C13orf42: variants seen among roughly 807,000 people sequenced by gnomAD.
C13orf42 encodes the protein uncharacterized protein C13orf42.
intron 1 of C13orf42, among the ~76,000 whole-genome samples, chr13:51,108,952 G>C: frequency 6.6e-6 from 1 of 152,230 alleles, no homozygotes; most frequent in African/African-American, 2.4e-5. Context: ...ACAAGGAAGG[G>C]AGGTAGGTCC....
Position 51,111,138 on chromosome 13 carries a change from G to GT in C13orf42, c.71dup (p.Tyr24Ter), listed in dbSNP as rs1953427803. The change falls in exon 1 of 4, where the codon TAC becomes TAAC. Residue 24 changes from tyrosine to a stop codon, truncating the protein, a stop_gained and frameshift_variant. Transcript: ENST00000563710. LOFTEE classifies it high-confidence loss of function. ...GCTTCACTGCGGGGCTGGCTCCTTC[G>GT]TAGAAGGGGCTCTCGGCCGCCGTCT... ...QRKTAAESPF[Y>*]EGASPAVKLI... 2.5e-6 allele frequency: 1 copy of GT among 398,500 alleles called. No individual in the cohort carries two copies. Among genetic ancestry groups the GT allele is most frequent in the South Asian group, 1.3e-4 (1 of 7,848 alleles). 24.7% of individuals were successfully genotyped at this position (398,500 alleles called of 1,614,324 possible).
intron 1 of C13orf42, among the ~76,000 whole-genome samples, chr13:51,106,487 C>A (rs1014914879): frequency 6.6e-6 from 1 of 152,168 alleles, no homozygotes; most frequent in African/African-American, 2.4e-5. Flanking sequence ...TGAGTTCTGG[C>A]ACGATACAGA....
intron 1 of C13orf42, among the ~76,000 whole-genome samples, chr13:51,100,824 T>C (rs1224008851): frequency 6.6e-6 from 1 of 152,198 alleles, no homozygotes; most frequent in Middle Eastern, 3.2e-3. Context: ...TTTAGGAATC[T>C]CTGCTAAAAA....
chr13:51,169,357 G>A (rs548820301), intron 1 of C13orf42, among the ~76,000 whole-genome samples: 1 of 152,318 alleles, frequency 6.6e-6, no homozygotes, highest in East Asian at 1.9e-4. Flanking sequence ...GCAAACAGAT[G>A]ATCTGAAACT....
At chr13:51,104,676 T>C (rs1953331338) in intron 1 of C13orf42, among the ~76,000 whole-genome samples, 1 of 151,560 alleles carries the variant, frequency 6.6e-6, no homozygotes, top group Non-Finnish European at 1.5e-5. Flanking sequence ...CCAAATTAGA[T>C]GGTGGTGAAG....
intron 1 of C13orf42, among the ~76,000 whole-genome samples, chr13:51,121,587 G>A (rs886196144): frequency 6.6e-6 from 1 of 150,746 alleles, no homozygotes; most frequent in Non-Finnish European, 1.5e-5. Flanking sequence ...CCAGGCTGGA[G>A]TGCAGTGGCG....
upstream of C13orf42, among the ~76,000 whole-genome samples, chr13:51,114,192 G>T (rs9563023): frequency 0.27 from 41,713 of 152,118 alleles, 6,630 homozygotes; most frequent in Non-Finnish European, 0.37. Context: ...GACTGGAAGG[G>T]CAGGCCAGGA....
At chr13:51,171,544 G>A (rs919981175) in intron 1 of C13orf42, among the ~76,000 whole-genome samples, 4 of 151,872 alleles carry the variant, frequency 2.6e-5, no homozygotes, top group Non-Finnish European at 5.9e-5. Flanking sequence ...TCCTCCCCAG[G>A]CTGCTCCTGG....
intron 1 of C13orf42, among the ~76,000 whole-genome samples, chr13:51,155,265 A>G (rs1953815712): frequency 6.6e-6 from 1 of 152,208 alleles, no homozygotes; most frequent in South Asian, 2.1e-4. Flanking sequence ...TGTGGGTTTT[A>G]AAGATAACTT....
chr13:51,139,086 G>A (rs966527096), intron 1 of C13orf42, among the ~76,000 whole-genome samples: 5 of 152,136 alleles, frequency 3.3e-5, no homozygotes, highest in African/African-American at 9.7e-5. Context: ...GGAAGCCGAG[G>A]TGGGTGGGTC....
At position 51,111,148 on chromosome 13, in the gene C13orf42, C is replaced by A. The variant is rs1307519651; in HGVS notation, c.62G>T (p.Ser21Ile). 7.5e-6 allele frequency: 3 copies of A among 398,480 alleles called. No individual in the cohort carries two copies. The Admixed American group carries it at 1.3e-4, about 18-fold the overall frequency. 24.7% of individuals were successfully genotyped at this position (398,480 alleles called of 1,614,324 possible). ...GGGGCTGGCTCCTTCGTAGAAGGGGCTCTCGGCCGCCGTCTTTCTCTGTGG... is the reference window on the plus strand; with the variant it reads ...GGGGCTGGCTCCTTCGTAGAAGGGGATCTCGGCCGCCGTCTTTCTCTGTGG... ...SSPQRKTAAE[S>I]PFYEGASPAV... Residue 21 changes from serine to isoleucine, a missense_variant, in exon 1 of 4, where the codon AGC (serine) becomes ATC (isoleucine). Physicochemically the swap from Ser to Ile is moderately radical, Grantham distance 142. Coordinates refer to ENST00000563710, the MANE Select transcript of C13orf42 (RefSeq NM_001351589.3).
At chr13:51,086,471 T>TGAGAGTGTGTGTGTGTAA (rs1167471055) in intron 2 of C13orf42, among the ~76,000 whole-genome samples, 1 of 151,752 alleles carries the variant, frequency 6.6e-6, no homozygotes, top group Admixed American at 6.6e-5. Context: ...TGTGTGTATG[T>TGAGAGTGTGTGTGTGTAA]GAGAGTGTGT....
In C13orf42 at chr13:51,152,085, C is replaced by T. The variant is rs1247445888; in HGVS notation, n.136+20168G>A. 3.9e-5 allele frequency among the ~76,000 whole-genome samples: 6 copies of T among 152,146 alleles called. No individual in the cohort carries two copies. In the East Asian group the frequency reaches 1.2e-3, roughly 29 times the overall value. ...GTTTAAGAATCACTGCCCCAAATAA[C>T]AATATTCTCATACTCACCACAGTGT... is the stretch of plus-strand genomic sequence containing the variant. On this transcript the variant is annotated intron_variant and non_coding_transcript_variant, in intron 1 of 4. Transcript: ENST00000433280.
intron 1 of C13orf42, among the ~76,000 whole-genome samples, chr13:51,092,777 A>G (rs1334003779): frequency 6.6e-6 from 1 of 152,108 alleles, no homozygotes; most frequent in East Asian, 1.9e-4. Context: ...TGAGAAGTAC[A>G]TAGGCATATC....
chr13:51,142,638 T>A (rs1953704408), intron 1 of C13orf42, among the ~76,000 whole-genome samples: 2 of 111,272 alleles, frequency 1.8e-5, no homozygotes, highest in Non-Finnish European at 1.9e-5. Context: ...TGTCCTTTTT[T>A]ATAAAAAAAA....
intron 1 of C13orf42, among the ~76,000 whole-genome samples, chr13:51,091,753 C>T (rs1312933275): frequency 6.6e-6 from 1 of 152,152 alleles, no homozygotes; most frequent in Non-Finnish European, 1.5e-5. Flanking sequence ...CGATCTCCAC[C>T]TCAATGACTG....
intron 1 of C13orf42, among the ~76,000 whole-genome samples, chr13:51,161,080 CT>C (rs1333366828): frequency 8.8e-6 from 1 of 114,196 alleles, no homozygotes; most frequent in African/African-American, 2.7e-5. Context: ...ATCTTCAGGA[CT>C]TTTTTCTTTT....
intron 1 of C13orf42, among the ~76,000 whole-genome samples, chr13:51,136,351 G>T (rs1422937522): frequency 6.6e-6 from 1 of 152,136 alleles, no homozygotes; most frequent in Non-Finnish European, 1.5e-5. Context: ...TAAAACCTAG[G>T]CTGGCTGAGT....
chr13:51,152,080 A>T (rs548359165), intron 1 of C13orf42, among the ~76,000 whole-genome samples: 51 of 152,328 alleles, frequency 3.3e-4, no homozygotes, highest in Middle Eastern at 3.4e-3. Flanking sequence ...CACTGCCCCA[A>T]ATAACAATAT....
Sources: gnomAD v4.1 joint callset for allele counts (sites outside exome capture counted in the v4.1 genomes callset) on GRCh38, gnomAD v4.1.1 for gene constraint, MANE v1.5 for transcripts, NCBI Gene and HGNC (gene_info 2026-07-23, HGNC 2026-07-21) for gene names.